The following FBRSL1 variants were observed in gnomAD, a reference collection of about 807,000 sequenced individuals.
FBRSL1 encodes the protein fibrosin like 1, also known as fibrosin-1-like protein.
FBRSL1 carries 51 observed loss-of-function variants against 89.6 expected under a neutral mutation model. The ratio of observed to expected loss-of-function variants is 0.57; its 90% CI spans 0.45 to 0.72. The LOEUF (loss-of-function observed/expected upper bound fraction) is 0.72, where lower values mean the gene tolerates loss of function less well. Ranked by LOEUF, FBRSL1 falls within the 30% of genes least tolerant of loss-of-function variation. The probability of loss-of-function intolerance (pLI) is 0.00; values close to 1 mark genes in which losing one functional copy is unlikely to be tolerated. For synonymous variants in FBRSL1, 779 were observed against 681.1 expected (o/e 1.14, Z -2.24); for missense variants, 1,618 against 1,451.8 (o/e 1.11, Z -1.86).
At chr12:132,543,994 T>G (rs1360064505) in intron 4 of FBRSL1, among the ~76,000 whole-genome samples, 1 of 152,032 alleles carries the variant, frequency 6.6e-6, no homozygotes, top group Non-Finnish European at 1.5e-5. Context: ...GTCGGGTGCC[T>G]CCCTCTGGCC....
chr12:132,567,572 C>T, intron 6 of FBRSL1, 46 bp downstream of exon 6: 1 of 1,530,368 alleles, frequency 6.5e-7, no homozygotes, highest in Non-Finnish European at 8.9e-7. Context: ...TGAAGAGACA[C>T]AATGCGCCCT....
chr12:132,529,965 C>T (rs1243432413), intron 4 of FBRSL1, among the ~76,000 whole-genome samples: 5 of 152,350 alleles, frequency 3.3e-5, no homozygotes, highest in African/African-American at 7.2e-5. Flanking sequence ...GTCACCTGTG[C>T]GCGGGGGCAA....
chr12:132,513,356 T>C (rs1028725236), intron 2 of FBRSL1, among the ~76,000 whole-genome samples: 5 of 151,876 alleles, frequency 3.3e-5, no homozygotes, highest in Non-Finnish European at 2.9e-5. Context: ...GATGGGCTTG[T>C]GTCCTGGCTG....
chr12:132,513,206 GGGCCTGCGA>G (rs1351972388), intron 2 of FBRSL1, among the ~76,000 whole-genome samples: 1 of 152,222 alleles, frequency 6.6e-6, no homozygotes, highest in Non-Finnish European at 1.5e-5. Flanking sequence ...ATGCAGCTGT[GGGCCTGCGA>G]GGCCTCCGGC....
At chr12:132,571,637 G>A (rs901189006) in intron 9 of FBRSL1, 5 of 754,018 alleles carry the variant, frequency 6.6e-6, no homozygotes, top group South Asian at 6.8e-5. Flanking sequence ...GAGGTGGGGG[G>A]CCGGCGGCAC....
intron 4 of FBRSL1, 102 bp from the exon 5 acceptor site, chr12:132,547,901 G>A (rs2037832820): frequency 7.6e-7 from 1 of 1,316,716 alleles, no homozygotes; most frequent in South Asian, 1.3e-5. Context: ...CAGCAGCCAG[G>A]GCCGCCCCAC....
intron 2 of FBRSL1, among the ~76,000 whole-genome samples, chr12:132,518,000 C>T (rs1434985980): frequency 6.6e-6 from 1 of 152,112 alleles, no homozygotes; most frequent in Admixed American, 6.5e-5. Flanking sequence ...GTGGCCCCAA[C>T]TCCAGAGCTG....
At chr12:132,515,819 G>C (rs2034787089) in intron 2 of FBRSL1, among the ~76,000 whole-genome samples, 1 of 143,704 alleles carries the variant, frequency 7.0e-6, no homozygotes, top group African/African-American at 2.6e-5. Flanking sequence ...CCAATCACTT[G>C]AACCCAGGAG....
chr12:132,544,781 TGAGGATGATGGTGATGGTGGCAATGGC>T (rs2037544099), intron 4 of FBRSL1, among the ~76,000 whole-genome samples: 2 of 151,408 alleles, frequency 1.3e-5, no homozygotes, highest in Admixed American at 1.3e-4. Flanking sequence ...ATGGCGATGG[TGAGGATGATGGTGATGGTGGCAATGGC>T]GAGGATGATG....
At chr12:132,509,550 C>A in intron 2 of FBRSL1, 1 of 1,233,270 alleles carries the variant, frequency 8.1e-7, no homozygotes, top group Non-Finnish European at 1.0e-6. Flanking sequence ...CTGCAGGCGC[C>A]TGCGGTCCCT....
chr12:132,500,741 C>T (rs1384577623), intron 1 of FBRSL1, among the ~76,000 whole-genome samples: 1 of 152,104 alleles, frequency 6.6e-6, no homozygotes, highest in Non-Finnish European at 1.5e-5. Flanking sequence ...AGCCCATTCA[C>T]ACCCTTACAG....
chr12:132,581,880 C>A, intron 17 of FBRSL1, 56 bp downstream of exon 17: 10 of 1,456,398 alleles, frequency 6.9e-6, no homozygotes, highest in Non-Finnish European at 9.2e-6. Context: ...TCCCCCATGC[C>A]TGTGTCCTCT....
rs1444529771 is a variant in FBRSL1 at position 132,570,470 on chromosome 12, C to T, written c.1143C>T (p.Ala381=). 1.3e-6 allele frequency: 2 copies of T among 1,532,800 alleles called. No individual in the cohort carries two copies. The highest frequency in any genetic ancestry group is 1.4e-5 in the African/African-American group (1 of 72,632). 94.9% of individuals were successfully genotyped at this position (1,532,800 alleles called of 1,614,324 possible). A position where few individuals can be genotyped will look rare whatever the true frequency, so the allele number is the denominator to read the frequency against. The change falls in exon 8 of 19, where the codon GCC becomes GCT. Residue 381 remains alanine (A), a synonymous_variant. Coordinates refer to ENST00000680143, the MANE Select transcript of FBRSL1 (RefSeq NM_001367871.1). ...AQHQLHAAMF[A]APPTLPPPPA... is the part of the protein sequence containing the mutation. ...ACCAGCTCCACGCGGCCATGTTTGC[C>T]GCACCCCCGACACTGCCCCCGCCCC... is the stretch of plus-strand genomic sequence containing the variant.
chr12:132,572,726 T>G (rs1462644822), intron 11 of FBRSL1, 104 bp downstream of exon 11: 1 of 816,622 alleles, frequency 1.2e-6, no homozygotes, highest in Non-Finnish European at 2.0e-6. Context: ...CACCCCCCTT[T>G]CCCTCCCTTG....
At chr12:132,497,318 G>T (rs1015672792) in intron 1 of FBRSL1, among the ~76,000 whole-genome samples, 4 of 152,144 alleles carry the variant, frequency 2.6e-5, no homozygotes, top group African/African-American at 9.7e-5. Flanking sequence ...AGGAGTGGAG[G>T]CTGGGGGAGA....
At chr12:132,524,509 C>T (rs114422814) in intron 2 of FBRSL1, among the ~76,000 whole-genome samples, 2,298 of 152,352 alleles carry the variant, frequency 0.015, 70 homozygotes, top group African/African-American at 0.051. Flanking sequence ...AGCCGAAGGT[C>T]GGCAGGGAGC....
rs531870303 is a variant in FBRSL1 at position 132,570,990 on chromosome 12, G to A, written c.1214-78G>A. 257 of 924,992 alleles carry A rather than the reference G, an allele frequency of 2.8e-4. 1 individual carries two copies. In the African/African-American group the frequency reaches 4.4e-3, roughly 16 times the overall value. The allele number at this position is 924,992 out of a possible 1,614,324, so 57.3% of individuals were successfully genotyped here. On this transcript the variant is annotated intron_variant, in intron 8 of 18. Coordinates refer to ENST00000680143, the MANE Select transcript of FBRSL1 (RefSeq NM_001367871.1). The stretch of plus-strand genomic sequence containing the variant: ...TGGGGACGGCCCCGTGTCCCGGGAT[G>A]GGACCAGGATGCTGGCCTGCGGGTG...
intron 4 of FBRSL1, among the ~76,000 whole-genome samples, chr12:132,531,541 CTG>C (rs997871579): frequency 7.1e-6 from 1 of 140,146 alleles, no homozygotes; most frequent in African/African-American, 2.5e-5. Context: ...CTCTGGGCCT[CTG>C]TGTGTGCGTG....
intron 1 of FBRSL1, chr12:132,507,169 T>G: frequency 1.0e-6 from 1 of 984,320 alleles, no homozygotes. Flanking sequence ...GGGCGGATCC[T>G]CCCCAGTGGC....
Sources: gnomAD v4.1 joint callset for allele counts (sites outside exome capture counted in the v4.1 genomes callset) on GRCh38, gnomAD v4.1.1 for gene constraint, MANE v1.5 for transcripts, NCBI Gene and HGNC (gene_info 2026-07-23, HGNC 2026-07-21) for gene names.